MYO10: variants seen among roughly 807,000 people sequenced by gnomAD.
The protein encoded by MYO10 is unconventional myosin-X.
Under a neutral mutation model 257.3 loss-of-function variants are expected in MYO10, and 133 were observed. That is an observed-to-expected ratio of 0.52 (90% confidence interval 0.45 to 0.60). The LOEUF is 0.60. Ranked by LOEUF, MYO10 falls within the 20% of genes least tolerant of loss-of-function variation. The pLI is 0.00. For missense variants in MYO10, 2,399 were observed against 2,635.7 expected (o/e 0.91, Z 1.97); for synonymous variants, 1,104 against 1,028.6 (o/e 1.07, Z -1.40).
At chr5:16,890,006 T>C (rs543560761) in intron 1 of MYO10, among the ~76,000 whole-genome samples, 1 of 151,980 alleles carries the variant, frequency 6.6e-6, no homozygotes, top group South Asian at 2.1e-4. Context: ...TACACAAGTA[T>C]GCTCAGAACA....
rs971068878 is a variant in MYO10 at position 16,936,222 on chromosome 5, C to G, written c.-414G>C. The G allele has an allele frequency of 5.1e-6, 1 of 195,568 alleles. No homozygotes were observed. The highest frequency in any genetic ancestry group is 1.0e-5 in the Non-Finnish European group (1 of 96,196). The allele number at this position is 195,568 out of a possible 1,614,324, so 12.1% of individuals were successfully genotyped here. On this transcript the variant is annotated 5_prime_UTR_variant, in exon 1 of 41. Coordinates refer to ENST00000513610, the MANE Select transcript of MYO10 (RefSeq NM_012334.3). ...CCGCAAAGTGAGCAGGAGCCGCGAT[C>G]CCCGCGCGAGCGCTTGGAGGTGAGC...
At chr5:16,808,543 G>GA (rs1303273292) in intron 3 of MYO10, among the ~76,000 whole-genome samples, 2 of 152,148 alleles carry the variant, frequency 1.3e-5, no homozygotes, top group African/African-American at 2.4e-5. Context: ...CAAGTTTGTT[G>GA]AAAATTAAAC....
chr5:16,859,355 T>A (rs73062921), intron 2 of MYO10, among the ~76,000 whole-genome samples: 25,260 of 152,092 alleles, frequency 0.17, 2,635 homozygotes, highest in African/African-American at 0.29. Context: ...CTCTTTTATA[T>A]GGGCACTAAC....
intron 4 of MYO10, 90 bp from the exon 5 acceptor site, chr5:16,783,559 G>C: frequency 7.4e-7 from 1 of 1,347,134 alleles, no homozygotes. Context: ...TTACTCAACA[G>C]AACAATGGTA....
intron 3 of MYO10, among the ~76,000 whole-genome samples, chr5:16,802,567 G>T (rs1023189702): frequency 2.7e-5 from 4 of 148,978 alleles, no homozygotes; most frequent in African/African-American, 9.9e-5. Context: ...TGAGGCAGGA[G>T]ATTGGCATGA....
chr5:16,680,746 G>T (rs1051054029), intron 32 of MYO10, among the ~76,000 whole-genome samples: 7 of 152,198 alleles, frequency 4.6e-5, no homozygotes, highest in African/African-American at 1.7e-4. Context: ...GGACAGTCAG[G>T]ATTTATCTTT....
At chr5:16,859,860 G>A (rs895617730) in intron 2 of MYO10, among the ~76,000 whole-genome samples, 1 of 151,970 alleles carries the variant, frequency 6.6e-6, no homozygotes. Flanking sequence ...GAGCATCCCT[G>A]GCCCACCCCC....
At chr5:16,852,617 T>G (rs963770075) in intron 2 of MYO10, among the ~76,000 whole-genome samples, 2 of 151,584 alleles carry the variant, frequency 1.3e-5, no homozygotes, top group African/African-American at 4.9e-5. Flanking sequence ...TAGCTGGACC[T>G]CATTACCTTC....
At chr5:16,697,007 C>T (rs1157528936) in intron 26 of MYO10, among the ~76,000 whole-genome samples, 1 of 151,398 alleles carries the variant, frequency 6.6e-6, no homozygotes, top group Non-Finnish European at 1.5e-5. Context: ...TCTTAAGATG[C>T]TATGATTAAA....
chr5:16,896,979 A>AGAGGGAGGACGGGAAGGCAGAAG (rs1745236272), intron 1 of MYO10, among the ~76,000 whole-genome samples: 1 of 152,056 alleles, frequency 6.6e-6, no homozygotes, highest in Non-Finnish European at 1.5e-5. Flanking sequence ...AAGAAAGGAG[A>AGAGGGAGGACGGGAAGGCAGAAG]GAGGGAGGAC....
At chr5:16,667,717 C>T (rs993682719) in intron 40 of MYO10, among the ~76,000 whole-genome samples, 8 of 152,164 alleles carry the variant, frequency 5.3e-5, no homozygotes, top group African/African-American at 1.9e-4. Context: ...TCTCCACTCA[C>T]CACGTTGACT....
At chr5:16,812,251 C>T (rs545644164) in intron 3 of MYO10, among the ~76,000 whole-genome samples, 2 of 152,228 alleles carry the variant, frequency 1.3e-5, no homozygotes, top group East Asian at 3.9e-4. Flanking sequence ...CCTGGGGTTC[C>T]AGGAAGAGAA....
At chr5:16,866,108 T>A (rs2126750853) in intron 2 of MYO10, among the ~76,000 whole-genome samples, 1 of 151,918 alleles carries the variant, frequency 6.6e-6, no homozygotes, top group African/African-American at 2.4e-5. Flanking sequence ...ATTGTGTATT[T>A]ATTCATTTTC....
intron 1 of MYO10, among the ~76,000 whole-genome samples, chr5:16,929,519 C>CT (rs574317027): frequency 1.0e-3 from 153 of 152,254 alleles, no homozygotes; most frequent in African/African-American, 3.6e-3. Flanking sequence ...CAAATCCTGG[C>CT]TATCGTTTTC....
intron 1 of MYO10, among the ~76,000 whole-genome samples, chr5:16,923,663 TACAC>T (rs60949830): frequency 0.018 from 2,487 of 140,698 alleles, 52 homozygotes; most frequent in African/African-American, 0.055. Context: ...AACACGCCCA[TACAC>T]ACACACACAC....
At chr5:16,830,688 C>A (rs1484248502) in intron 2 of MYO10, among the ~76,000 whole-genome samples, 1 of 151,988 alleles carries the variant, frequency 6.6e-6, no homozygotes, top group Non-Finnish European at 1.5e-5. Context: ...GGCACACACA[C>A]ACACACACAC....
At position 16,694,407 on chromosome 5, in the gene MYO10, T is replaced by TC. The variant is rs1436023452; in HGVS notation, c.3763dup (p.Glu1255GlyfsTer18). 6.2e-7 allele frequency: 1 copy of TC among 1,614,050 alleles called. No individual in the cohort carries two copies. Among genetic ancestry groups the TC allele is most frequent in the East Asian group, 2.2e-5 (1 of 44,886 alleles). ...CACTTCTACGGTGCCCTTGAGCTTC[T>TC]CCTCGCTGTCGTTTTCAAAGTACAT... On this transcript the variant is annotated frameshift_variant, in exon 27 of 41. Coordinates refer to ENST00000513610, the MANE Select transcript of MYO10 (RefSeq NM_012334.3). LOFTEE classifies it high-confidence loss of function.
At chr5:16,728,979 C>A (rs903769708) in intron 19 of MYO10, among the ~76,000 whole-genome samples, 1 of 152,070 alleles carries the variant, frequency 6.6e-6, no homozygotes, top group Non-Finnish European at 1.5e-5. Context: ...CTTTTCTTTT[C>A]TTTTAAGCAC....
At chr5:16,693,974 T>C (rs760808248) in intron 27 of MYO10, among the ~76,000 whole-genome samples, 10 of 152,156 alleles carry the variant, frequency 6.6e-5, no homozygotes, top group Admixed American at 4.6e-4. Flanking sequence ...CTCCAGTCTG[T>C]CTGCTTTTAA....
Sources: allele counts gnomAD v4.1 joint callset (sites outside exome capture counted in the v4.1 genomes callset), GRCh38; gene constraint gnomAD v4.1.1; transcripts MANE v1.5; gene names NCBI Gene and HGNC (gene_info 2026-07-23, HGNC 2026-07-21).